Variants in DEK observed in about 807,000 individuals in gnomAD.
The protein encoded by DEK is DEK proto-oncogene.
DEK carries 28 observed loss-of-function variants against 46.8 expected under a neutral mutation model. The ratio of observed to expected loss-of-function variants is 0.60; its 90% CI spans 0.44 to 0.82. The LOEUF is 0.82. Among genes scored for constraint, DEK ranks in the 40% least tolerant of loss-of-function variants. DEK has a pLI of 0.00. For synonymous variants in DEK, 160 were observed against 144.5 expected (o/e 1.11, Z -0.77); for missense variants, 416 against 430.6 (o/e 0.97, Z 0.30).
chr6:18,249,716 CACT>C lies in DEK; in HGVS notation c.694_696del (p.Ser232del). 6.2e-7 allele frequency: 1 copy of C among 1,610,112 alleles called. No individual in the cohort carries two copies. Among genetic ancestry groups the C allele is most frequent in the Non-Finnish European group, 8.5e-7 (1 of 1,178,614 alleles). ...TCCTTGTTTTTCTTTTCATCTTCAT[CACT>C]ACTAGATTCATCTGACAGAATTTCA... On this transcript the variant is annotated inframe_deletion, in exon 7 of 11. Coordinates refer to ENST00000652689, the MANE Select transcript of DEK (RefSeq NM_003472.4).
chr6:18,249,608 C>T (rs1791273712), intron 7 of DEK, 43 bp downstream of exon 7: 5 of 1,471,558 alleles, frequency 3.4e-6, no homozygotes, highest in Admixed American at 2.7e-5. Context: ...TTTAACTCTC[C>T]CCATGGAAAG....
At chr6:18,233,047 T>C (rs1377322472) in intron 9 of DEK, among the ~76,000 whole-genome samples, 2 of 152,066 alleles carry the variant, frequency 1.3e-5, no homozygotes, top group South Asian at 2.1e-4. Flanking sequence ...TAATACCACA[T>C]ACATCTTCAA....
chr6:18,238,610 T>C (rs559837104), intron 7 of DEK, among the ~76,000 whole-genome samples: 1 of 151,204 alleles, frequency 6.6e-6, no homozygotes, highest in Admixed American at 6.6e-5. Context: ...GGCAAGAGAA[T>C]TGCTTGAACC....
At chr6:18,231,802 C>T (rs1790424619) in intron 9 of DEK, among the ~76,000 whole-genome samples, 1 of 152,174 alleles carries the variant, frequency 6.6e-6, no homozygotes, top group African/African-American at 2.4e-5. Flanking sequence ...GGAACTGATA[C>T]CATTACTTCT....
Position 18,225,531 on chromosome 6 carries a change from C to A in DEK, c.*188G>T. ...ATGCAAGATTTTAAACTAAAAATGG[C>A]ATAGAAATGCAATTTAAAACAGCAA... On this transcript the variant is annotated 3_prime_UTR_variant, in exon 11 of 11. Coordinates refer to ENST00000652689, the MANE Select transcript of DEK (RefSeq NM_003472.4). 3.9e-6 allele frequency: 2 copies of A among 514,266 alleles called. No individual in the cohort carries two copies. The highest frequency in any genetic ancestry group is 3.4e-6 in the Non-Finnish European group (1 of 295,728). The allele number at this position is 514,266 out of a possible 1,614,324, so 31.9% of individuals were successfully genotyped here. A position where few individuals can be genotyped will look rare whatever the true frequency, so the allele number is the denominator to read the frequency against.
At chr6:18,253,270 A>T (rs2151091173) in intron 6 of DEK, among the ~76,000 whole-genome samples, 1 of 152,336 alleles carries the variant, frequency 6.6e-6, no homozygotes, top group East Asian at 1.9e-4. Flanking sequence ...TCAAACATGA[A>T]CAAGGTGAGC....
intron 9 of DEK, among the ~76,000 whole-genome samples, chr6:18,230,754 C>T (rs543183056): frequency 1.9e-4 from 29 of 152,258 alleles, no homozygotes; most frequent in African/African-American, 6.3e-4. Flanking sequence ...TACAAAGAGA[C>T]GTAGACTCCC....
intron 10 of DEK, chr6:18,225,939 G>C: frequency 1.4e-6 from 1 of 691,796 alleles, no homozygotes. Flanking sequence ...CAGCTACCCA[G>C]GTACACCATG....
At position 18,226,175 on chromosome 6, in the gene DEK, T is replaced by C; in HGVS notation, c.1115A>G (p.Glu372Gly). ...RKDFIKTTVKELIS is the reference protein window; with the variant it reads ...RKDFIKTTVKGLIS The stretch of plus-strand genomic sequence containing the variant: ...AACTTGAAAGACTGAAATATTTACC[T>C]CTTTTACAGTTGTTTTTATGAAATC... The change falls in exon 10 of 11, where the codon GAG becomes GGG. Residue 372 changes from glutamate (E) to glycine (G), a missense_variant and splice_region_variant. Coordinates refer to ENST00000652689, the MANE Select transcript of DEK (RefSeq NM_003472.4). 1 of 1,315,480 alleles carries C rather than the reference T, an allele frequency of 7.6e-7. No individual in the cohort carries two copies. The highest frequency in any genetic ancestry group is 3.5e-5 in the Admixed American group (1 of 28,236). 81.5% of individuals were successfully genotyped at this position (1,315,480 alleles called of 1,614,324 possible). A position where few individuals can be genotyped will look rare whatever the true frequency, so the allele number is the denominator to read the frequency against.
At chr6:18,241,743 G>A (rs1349104794) in intron 7 of DEK, among the ~76,000 whole-genome samples, 3 of 152,100 alleles carry the variant, frequency 2.0e-5, no homozygotes, top group Non-Finnish European at 4.4e-5. Context: ...TATAATCTTT[G>A]TTGCATATTC....
intron 6 of DEK, among the ~76,000 whole-genome samples, chr6:18,253,489 A>G (rs901560919): frequency 1.3e-5 from 2 of 152,198 alleles, no homozygotes; most frequent in African/African-American, 4.8e-5. Context: ...TTTGGAAGAC[A>G]TAATTCAGGG....
intron 6 of DEK, among the ~76,000 whole-genome samples, chr6:18,253,723 T>C (rs923455085): frequency 1.3e-5 from 2 of 152,140 alleles, no homozygotes; most frequent in Non-Finnish European, 2.9e-5. Context: ...TTTCTTCATA[T>C]ACTTATTATT....
chr6:18,256,312 A>T (rs750327784), intron 5 of DEK, 49 bp downstream of exon 5: 3 of 1,488,326 alleles, frequency 2.0e-6, no homozygotes, highest in Non-Finnish European at 2.8e-6. Context: ...ATTAAAAAAT[A>T]AACTTAAAGC....
At chr6:18,259,430 A>AAAAAAAAAAAAAAAAAAAAAAAAAAAAT (rs1554162685) in intron 2 of DEK, among the ~76,000 whole-genome samples, 2 of 96,742 alleles carry the variant, frequency 2.1e-5, no homozygotes, top group Non-Finnish European at 4.7e-5. Flanking sequence ...AAAAAAAAAA[A>AAAAAAAAAAAAAAAAAAAAAAAAAAAAT]AAATCTAGAA....
At chr6:18,232,019 A>G (rs1177844216) in intron 9 of DEK, among the ~76,000 whole-genome samples, 1 of 152,214 alleles carries the variant, frequency 6.6e-6, no homozygotes, top group Non-Finnish European at 1.5e-5. Context: ...ATCTACCATG[A>G]TTAAGTGGAC....
chr6:18,238,620 C>G (rs1479219977), intron 7 of DEK, among the ~76,000 whole-genome samples: 2 of 151,214 alleles, frequency 1.3e-5, no homozygotes, highest in Non-Finnish European at 2.9e-5. Flanking sequence ...TTGCTTGAAC[C>G]CTGGAGATGG....
At chr6:18,250,341 C>T (rs376401829) in intron 6 of DEK, among the ~76,000 whole-genome samples, 9 of 151,940 alleles carry the variant, frequency 5.9e-5, no homozygotes, top group African/African-American at 9.6e-5. Flanking sequence ...TGGTGGCGGG[C>T]GCCTGTAGCC....
chr6:18,260,720 G>A (rs1483491076), intron 2 of DEK, among the ~76,000 whole-genome samples: 1 of 152,108 alleles, frequency 6.6e-6, no homozygotes, highest in Non-Finnish European at 1.5e-5. Flanking sequence ...GCTACTCAGG[G>A]CCAGGCGTGG....
chr6:18,231,721 A>G (rs755446779), intron 9 of DEK, among the ~76,000 whole-genome samples: 3 of 152,240 alleles, frequency 2.0e-5, no homozygotes, highest in Non-Finnish European at 2.9e-5. Context: ...GGCAATAATT[A>G]ACAGCCTACC....
Sources: gnomAD v4.1 joint callset for allele counts (sites outside exome capture counted in the v4.1 genomes callset) on GRCh38, gnomAD v4.1.1 for gene constraint, MANE v1.5 for transcripts, NCBI Gene and HGNC (gene_info 2026-07-23, HGNC 2026-07-21) for gene names.